The following ZDHHC11 variants were observed in gnomAD, a reference collection of about 807,000 sequenced individuals.
ZDHHC11 encodes zDHHC palmitoyltransferase 11.
ZDHHC11 carries 44 observed loss-of-function variants against 51.3 expected under a neutral mutation model. The observed-to-expected ratio is 0.86, with a 90% CI of 0.67 to 1.10. The LOEUF (loss-of-function observed/expected upper bound fraction) is 1.10. Among genes scored for constraint, ZDHHC11 ranks in the 50% least tolerant of loss-of-function variants. ZDHHC11 has a pLI of 0.00. For synonymous variants in ZDHHC11, 163 were observed against 222.0 expected (o/e 0.73, Z 2.36); for missense variants, 400 against 537.7 (o/e 0.74, Z 2.53).
At chr5:831,348 C>CT (rs1303303298) in intron 7 of ZDHHC11, among the ~76,000 whole-genome samples, 3 of 149,446 alleles carry the variant, frequency 2.0e-5, no homozygotes, top group Non-Finnish European at 4.5e-5. Flanking sequence ...CTTTCGGAGG[C>CT]TGGGGCAGGC....
chr5:848,528 C>T lies in ZDHHC11; in HGVS notation c.355G>A (p.Ala119Thr), dbSNP rs1282968813. Residue 119 changes from alanine to threonine, a missense_variant, in exon 2 of 13, where the codon GCA becomes ACA. Ala to Thr is a moderately conservative substitution (Grantham distance 58). Transcript: ENST00000283441. ...PMPLFDRSKHAHVIQNQFCHL... is the reference protein window; with the variant it reads ...PMPLFDRSKHTHVIQNQFCHL... ...CAGAACTGATTCTGGATCACGTGTG[C>T]ATGTTTTGATCTGTCGAAGAGGGGC... The T allele has an allele frequency of 1.1e-5, 16 of 1,511,116 alleles. No individual in the cohort carries two copies. The highest frequency in any genetic ancestry group is 2.0e-5 in the Admixed American group (1 of 49,704). The allele number at this position is 1,511,116 out of a possible 1,614,324, so 93.6% of individuals were successfully genotyped here.
chr5:860,532 G>GT (rs1023654785), upstream of ZDHHC11, among the ~76,000 whole-genome samples: 2 of 151,842 alleles, frequency 1.3e-5, no homozygotes, highest in African/African-American at 4.8e-5. This position sits in a 1 kb window ranked among gnomAD's most constrained non-coding sequence, Gnocchi z 4.2. Flanking sequence ...ATGTGCTGCT[G>GT]TAACAAAATA....
At chr5:801,227 C>T (rs1413195068) in intron 11 of ZDHHC11, 63 bp from the exon 12 acceptor site, 9 of 1,590,784 alleles carry the variant, frequency 5.7e-6, no homozygotes, top group Non-Finnish European at 6.9e-6. Flanking sequence ...TGTTATAATG[C>T]CAAAGTGCAC....
chr5:800,497 T>A (rs1478585496), intron 12 of ZDHHC11, among the ~76,000 whole-genome samples: 2 of 151,152 alleles, frequency 1.3e-5, no homozygotes, highest in Admixed American at 6.6e-5. Context: ...AGGGAGAGCA[T>A]GCCCCTCTGT....
chr5:852,981 C>A (rs749405075), upstream of ZDHHC11, among the ~76,000 whole-genome samples: 2 of 139,732 alleles, frequency 1.4e-5, no homozygotes, highest in Non-Finnish European at 3.0e-5. Flanking sequence ...AAAGACCCCA[C>A]GGAGGACAGC....
chr5:847,909 T>C (rs1746511725), intron 2 of ZDHHC11: 1 of 539,806 alleles, frequency 1.9e-6, no homozygotes, highest in Middle Eastern at 4.9e-4. Context: ...CTCTGGGCCA[T>C]GGCCCTGGAG....
chr5:806,719 G>A (rs1467944841), intron 11 of ZDHHC11, among the ~76,000 whole-genome samples: 1 of 151,160 alleles, frequency 6.6e-6, no homozygotes, highest in Non-Finnish European at 1.5e-5. Flanking sequence ...AATGGACTAG[G>A]GACATGAGCA....
At chr5:854,963 G>C (rs929953757), upstream of ZDHHC11, among the ~76,000 whole-genome samples, 2 of 145,504 alleles carry the variant, frequency 1.4e-5, no homozygotes, top group African/African-American at 2.6e-5. Flanking sequence ...GAGCCGGGGG[G>C]CACAGACCCC....
chr5:825,186 T>G lies in ZDHHC11; in HGVS notation c.1001A>C (p.Gln334Pro). Residue 334 changes from glutamine to proline, a missense_variant, in exon 8 of 13, where the codon CAG becomes CCG. Coordinates refer to ENST00000283441, the MANE Select transcript of ZDHHC11 (RefSeq NM_024786.3). ...HLCHFCTSVN[Q>P]DGDSTAREGD... ...TACCCGTGCCGTCGAATCCCCATCC[T>G]GGTTTACTGAAGTGCAGAAGTGACA... The G allele has an allele frequency of 6.2e-7, 1 of 1,612,812 alleles. No homozygotes were observed. The highest frequency in any genetic ancestry group is 8.5e-7 in the Non-Finnish European group (1 of 1,179,154).
chr5:804,823 A>G (rs1739015320), intron 11 of ZDHHC11, among the ~76,000 whole-genome samples: 1 of 151,292 alleles, frequency 6.6e-6, no homozygotes, highest in Non-Finnish European at 1.5e-5. Flanking sequence ...GAGGGAATTC[A>G]TTATCAGCAG....
intron 1 of ZDHHC11, among the ~76,000 whole-genome samples, chr5:849,327 T>C (rs1312622765): frequency 6.6e-6 from 1 of 152,022 alleles, no homozygotes; most frequent in African/African-American, 2.4e-5. Flanking sequence ...CAAAACCCTT[T>C]ACAGCTTGAG....
At chr5:841,726 C>T in intron 4 of ZDHHC11, 1 of 992,902 alleles carries the variant, frequency 1.0e-6, no homozygotes, top group Non-Finnish European at 1.2e-6. Flanking sequence ...CACTGGGCTG[C>T]CAACACTCAA....
chr5:840,748 G>A (rs1442798026), intron 4 of ZDHHC11, 98 bp from the exon 5 acceptor site: 39 of 1,582,676 alleles, frequency 2.5e-5, no homozygotes, highest in Non-Finnish European at 3.1e-5. Context: ...ATGGGGCGGT[G>A]TGGGGACAGC....
At chr5:836,276 G>A (rs1399038029) in intron 6 of ZDHHC11, among the ~76,000 whole-genome samples, 4 of 150,368 alleles carry the variant, frequency 2.7e-5, no homozygotes, top group African/African-American at 9.8e-5. Context: ...GCATGATTGC[G>A]TGGTTACCGT....
chr5:834,091 TC>T (rs1743437948), intron 6 of ZDHHC11, among the ~76,000 whole-genome samples: 1 of 152,194 alleles, frequency 6.6e-6, no homozygotes, highest in African/African-American at 2.4e-5. Flanking sequence ...CTCATTTAAC[TC>T]CCACTAGCAA....
intron 11 of ZDHHC11, among the ~76,000 whole-genome samples, chr5:809,629 AG>A (rs1739834601): frequency 1.5e-5 from 2 of 135,126 alleles, no homozygotes; most frequent in African/African-American, 5.7e-5. Context: ...AGAACCGGGA[AG>A]GGGCTCTCAT....
chr5:850,408 A>G lies in ZDHHC11; in HGVS notation c.195T>C (p.Pro65=). 6.2e-7 allele frequency: 1 copy of G among 1,613,644 alleles called. No individual in the cohort carries two copies. Among genetic ancestry groups the G allele is most frequent in the Non-Finnish European group, 8.5e-7 (1 of 1,180,020 alleles). ...CGTAGGCAATGTATTTCCACGCGTG[A>G]GGCAGGAAGGGAATGAAGATCCCGA... is the stretch of plus-strand genomic sequence containing the variant. ...ATFGIFIPFL[P]HAWKYIAYVV... Residue 65 remains proline, a synonymous_variant, in exon 1 of 13, where the codon CCT becomes CCC. Transcript: ENST00000283441.
intron 4 of ZDHHC11, among the ~76,000 whole-genome samples, chr5:843,153 C>T (rs1745327988): frequency 6.6e-6 from 1 of 152,292 alleles, no homozygotes; most frequent in African/African-American, 2.4e-5. Flanking sequence ...CCCACTTGGC[C>T]AAGGGCCTCA....
At chr5:799,885 G>A (rs1413585399) in intron 12 of ZDHHC11, among the ~76,000 whole-genome samples, 1 of 151,300 alleles carries the variant, frequency 6.6e-6, no homozygotes, top group East Asian at 1.9e-4. Flanking sequence ...CAATCTCAGT[G>A]GATTTGTCTT....
Sources: gnomAD v4.1 joint callset for allele counts (sites outside exome capture counted in the v4.1 genomes callset) on GRCh38, gnomAD v4.1.1 for gene constraint, Gnocchi (gnomAD v3.1) non-coding constraint, MANE v1.5 for transcripts, NCBI Gene and HGNC (gene_info 2026-07-23, HGNC 2026-07-21) for gene names.